The following FAT3 variants were observed in gnomAD, a reference collection of about 807,000 sequenced individuals.
FAT3 encodes the protein protocadherin Fat 3.
A neutral mutation model predicts 310.2 loss-of-function variants in FAT3; 95 were observed. The ratio of observed to expected loss-of-function variants is 0.31; its 90% CI spans 0.26 to 0.36. The LOEUF (loss-of-function observed/expected upper bound fraction) is 0.36, where lower values mean the gene tolerates loss of function less well. Among genes scored for constraint, FAT3 ranks in the 10% least tolerant of loss-of-function variants. The pLI is 1.00. For missense variants in FAT3, 5,408 were observed against 5,715.6 expected (o/e 0.95, Z 1.74); for synonymous variants, 2,314 against 2,192.9 (o/e 1.06, Z -1.54).
At chr11:92,631,274 T>C (rs547417535) in intron 3 of FAT3, among the ~76,000 whole-genome samples, 11 of 152,308 alleles carry the variant, frequency 7.2e-5, no homozygotes, top group Non-Finnish European at 1.6e-4. Flanking sequence ...ATGGTTTGAT[T>C]CTTCTCTGTC....
chr11:92,611,398 G>T (rs1231724883), intron 3 of FAT3, among the ~76,000 whole-genome samples: 2 of 152,152 alleles, frequency 1.3e-5, no homozygotes, highest in African/African-American at 4.8e-5. Context: ...GGGATTGCAG[G>T]CATGAGCCAC....
At chr11:92,634,645 G>A (rs1941688047) in intron 3 of FAT3, among the ~76,000 whole-genome samples, 1 of 152,152 alleles carries the variant, frequency 6.6e-6, no homozygotes, top group Admixed American at 6.5e-5. Flanking sequence ...CTCAGCTGGG[G>A]CCAGTTATGC....
chr11:92,345,674 A>G (rs1948396070), intron 1 of FAT3, among the ~76,000 whole-genome samples: 1 of 152,208 alleles, frequency 6.6e-6, no homozygotes, highest in African/African-American at 2.4e-5. Flanking sequence ...GGTGGGTGGC[A>G]TTTTATCTAA....
At chr11:92,687,989 GCCAGGAATTTGAGA>G (rs1227939472) in intron 3 of FAT3, among the ~76,000 whole-genome samples, 2 of 151,762 alleles carry the variant, frequency 1.3e-5, no homozygotes, top group African/African-American at 2.4e-5. Context: ...TCACCTTGAG[GCCAGGAATTTGAGA>G]CCAGGAATTA....
intron 1 of FAT3, among the ~76,000 whole-genome samples, chr11:92,344,300 C>T (rs1441829203): frequency 1.3e-5 from 2 of 152,152 alleles, no homozygotes; most frequent in Non-Finnish European, 2.9e-5. Flanking sequence ...GATGAACTCT[C>T]AGTTCATCCC....
At chr11:92,430,399 G>A (rs1591279263) in intron 2 of FAT3, among the ~76,000 whole-genome samples, 1 of 152,276 alleles carries the variant, frequency 6.6e-6, no homozygotes. Flanking sequence ...TGATCCTTTG[G>A]AGGAGAAGAG....
In FAT3 at chr11:92,621,502, A is replaced by G. The variant is rs78186205; in HGVS notation, c.3608-75882A>G. On this transcript the variant is annotated intron_variant, in intron 3 of 27. Transcript: ENST00000525166. The stretch of plus-strand genomic sequence containing the variant: ...CAATTTTTTGGAGGAGTTGGAGAAA[A>G]TCAAGTGCCCCACAAAGATGCTTGG... Among the ~76,000 whole-genome samples the G allele has an allele frequency of 7.6e-4, 116 of 152,288 alleles. No individual in the cohort carries two copies. The East Asian group carries it at 0.019, about 25-fold the overall frequency.
intron 6 of FAT3, among the ~76,000 whole-genome samples, chr11:92,767,040 G>T (rs968386711): frequency 2.6e-5 from 4 of 152,146 alleles, no homozygotes; most frequent in African/African-American, 7.2e-5. Flanking sequence ...CTTGAGGTCA[G>T]AAGTTCGAGA....
At chr11:92,507,611 A>G (rs972643974) in intron 2 of FAT3, among the ~76,000 whole-genome samples, 16 of 151,758 alleles carry the variant, frequency 1.1e-4, no homozygotes, top group Non-Finnish European at 1.9e-4. Context: ...ATATGTGTGT[A>G]TATACGTATA....
chr11:92,293,291 T>G (rs2134401676), intron 1 of FAT3, among the ~76,000 whole-genome samples: 1 of 151,704 alleles, frequency 6.6e-6, no homozygotes, highest in East Asian at 2.0e-4. Context: ...TCTTACCTTC[T>G]GCTGGGGGTA....
intron 3 of FAT3, among the ~76,000 whole-genome samples, chr11:92,588,923 G>A (rs1295043899): frequency 6.6e-6 from 1 of 151,896 alleles, no homozygotes; most frequent in Non-Finnish European, 1.5e-5. Flanking sequence ...TTAAGCTGTC[G>A]TAACAAAGAC....
At chr11:92,287,058 G>C (rs577183655) in intron 1 of FAT3, among the ~76,000 whole-genome samples, 12 of 152,262 alleles carry the variant, frequency 7.9e-5, no homozygotes, top group African/African-American at 2.9e-4. Context: ...TTAAACAGTA[G>C]ATTCTTTAGC....
At chr11:92,390,239 C>T (rs1949718660) in intron 2 of FAT3, among the ~76,000 whole-genome samples, 1 of 151,996 alleles carries the variant, frequency 6.6e-6, no homozygotes, top group Non-Finnish European at 1.5e-5. Flanking sequence ...CTATATAATC[C>T]TCCCAAGACT....
At chr11:92,306,466 A>G (rs1258269156) in intron 1 of FAT3, among the ~76,000 whole-genome samples, 2 of 136,484 alleles carry the variant, frequency 1.5e-5, no homozygotes, top group Non-Finnish European at 3.0e-5. Context: ...TCCACTTTAT[A>G]TATATATAAA....
intron 4 of FAT3, among the ~76,000 whole-genome samples, chr11:92,726,126 A>C (rs779392773): frequency 9.9e-5 from 15 of 152,178 alleles, no homozygotes; most frequent in Admixed American, 9.8e-4. Context: ...CATCAATTAT[A>C]TACCAATAAA....
chr11:92,803,435 G>A (rs1947420599), intron 10 of FAT3, among the ~76,000 whole-genome samples: 1 of 152,146 alleles, frequency 6.6e-6, no homozygotes, highest in East Asian at 1.9e-4. Context: ...GAACACTGTG[G>A]GCCTGCACTG....
At chr11:92,845,921 G>A (rs774925880) in intron 19 of FAT3, among the ~76,000 whole-genome samples, 8 of 152,156 alleles carry the variant, frequency 5.3e-5, no homozygotes, top group Admixed American at 5.2e-4. Flanking sequence ...CAGTGTGCCA[G>A]CTGCTCTCTG....
At chr11:92,328,335 T>C (rs1019893125) in intron 1 of FAT3, among the ~76,000 whole-genome samples, 1 of 152,190 alleles carries the variant, frequency 6.6e-6, no homozygotes, top group Non-Finnish European at 1.5e-5. Context: ...ATTTTTAACA[T>C]CTGGTCCTCC....
chr11:92,480,915 G>A (rs1349567214), intron 2 of FAT3, among the ~76,000 whole-genome samples: 1 of 152,214 alleles, frequency 6.6e-6, no homozygotes, highest in African/African-American at 2.4e-5. Flanking sequence ...CGTTTGTTGT[G>A]TGAGTGAAGC....
Sources: allele counts gnomAD v4.1 joint callset (sites outside exome capture counted in the v4.1 genomes callset), GRCh38; gene constraint gnomAD v4.1.1; transcripts MANE v1.5; gene names NCBI Gene and HGNC (gene_info 2026-07-23, HGNC 2026-07-21).